The following TBCA variants were observed in gnomAD, a reference collection of about 807,000 sequenced individuals.
The protein encoded by TBCA is tubulin-specific chaperone A.
Under a neutral mutation model 15.8 loss-of-function variants are expected in TBCA, and 6 were observed. The ratio of observed to expected loss-of-function variants is 0.38; its 90% CI spans 0.21 to 0.75. The LOEUF (loss-of-function observed/expected upper bound fraction) is 0.75. Ranked by LOEUF, TBCA falls within the 30% of genes least tolerant of loss-of-function variation. The probability of loss-of-function intolerance (pLI) is 0.46; values close to 1 mark genes in which losing one functional copy is unlikely to be tolerated. For missense variants in TBCA, 90 were observed against 131.2 expected, an observed-to-expected ratio of 0.69 and a Z score of 1.53; for synonymous variants, 32 against 42.3, an observed-to-expected ratio of 0.76 and a Z score of 0.94.
chr5:77,762,358 G>A (rs1194363252), intron 1 of TBCA, among the ~76,000 whole-genome samples: 2 of 152,066 alleles, frequency 1.3e-5, no homozygotes, highest in Admixed American at 1.3e-4. Context: ...TTAATACGTA[G>A]AAAATGAAAA....
intron 1 of TBCA, among the ~76,000 whole-genome samples, chr5:77,766,921 T>C (rs1046966739): frequency 2.6e-5 from 4 of 152,230 alleles, no homozygotes; most frequent in Non-Finnish European, 5.9e-5. Flanking sequence ...TGTCTATTTG[T>C]TGAAAAACAA....
chr5:77,729,100 G>T (rs1746698883), intron 1 of TBCA, among the ~76,000 whole-genome samples: 1 of 152,072 alleles, frequency 6.6e-6, no homozygotes, highest in African/African-American at 2.4e-5. Context: ...GATCACCTGA[G>T]GTCCGGAGTT....
chr5:77,704,323 T>A (rs545379595), intron 2 of TBCA, among the ~76,000 whole-genome samples: 306 of 152,262 alleles, frequency 2.0e-3, no homozygotes, highest in Non-Finnish European at 3.6e-3. Flanking sequence ...AGAGGGACTG[T>A]CCCCTGATTT....
intron 1 of TBCA, among the ~76,000 whole-genome samples, chr5:77,756,130 A>G (rs254388): frequency 0.85 from 129,270 of 151,862 alleles, 55,557 homozygotes; most frequent in Non-Finnish European, 0.92. Flanking sequence ...ACCAGACCGC[A>G]GCCTAGGATT....
intron 1 of TBCA, among the ~76,000 whole-genome samples, chr5:77,714,711 C>T (rs168471): frequency 0.23 from 34,632 of 151,848 alleles, 4,660 homozygotes; most frequent in Non-Finnish European, 0.31. Context: ...GGACTACAGG[C>T]ACCTGCCACC....
chr5:77,760,973 T>G (rs1167313664), intron 1 of TBCA, among the ~76,000 whole-genome samples: 1 of 143,322 alleles, frequency 7.0e-6, no homozygotes, highest in African/African-American at 2.7e-5. Flanking sequence ...GTCTGGGAAG[T>G]GAGGAGCGCC....
intron 1 of TBCA, among the ~76,000 whole-genome samples, chr5:77,715,857 C>T (rs1386489888): frequency 6.6e-6 from 1 of 152,086 alleles, no homozygotes; most frequent in Non-Finnish European, 1.5e-5. Flanking sequence ...GTATTAAATC[C>T]CCCTGTTTGG....
At chr5:77,712,505 G>A (rs997952803) in intron 1 of TBCA, among the ~76,000 whole-genome samples, 1 of 152,018 alleles carries the variant, frequency 6.6e-6, no homozygotes, top group Non-Finnish European at 1.5e-5. Context: ...CTGAAGACAA[G>A]TATGTATTTT....
intron 1 of TBCA, among the ~76,000 whole-genome samples, chr5:77,728,854 T>G (rs1746691312): frequency 2.0e-5 from 3 of 152,052 alleles, no homozygotes; most frequent in Admixed American, 6.5e-5. Flanking sequence ...TTGAAAAGCC[T>G]TCCCTTCCTT....
chr5:77,737,254 A>T (rs908793693), intron 1 of TBCA, among the ~76,000 whole-genome samples: 1 of 152,112 alleles, frequency 6.6e-6, no homozygotes, highest in Non-Finnish European at 1.5e-5. Flanking sequence ...TTATGAACCA[A>T]AGCTTTTGTT....
chr5:77,767,060 A>G (rs1747796080), intron 1 of TBCA, among the ~76,000 whole-genome samples: 2 of 152,250 alleles, frequency 1.3e-5, no homozygotes. Context: ...TTAACATTCT[A>G]GATTTGGAAA....
chr5:77,696,068 A>AT (rs1745865192), intron 2 of TBCA, among the ~76,000 whole-genome samples: 1 of 152,198 alleles, frequency 6.6e-6, no homozygotes, highest in South Asian at 2.1e-4. Flanking sequence ...TTTTTGTCAG[A>AT]AAGAAGAGTT....
intron 1 of TBCA, among the ~76,000 whole-genome samples, chr5:77,763,830 C>T (rs1257039747): frequency 1.3e-5 from 2 of 152,162 alleles, no homozygotes; most frequent in East Asian, 1.9e-4. Flanking sequence ...AACTAAGATA[C>T]GCATCTTACA....
chr5:77,772,961 C>A, intron 1 of TBCA, among the ~76,000 whole-genome samples: 1 of 152,152 alleles, frequency 6.6e-6, no homozygotes, highest in East Asian at 1.9e-4. Context: ...GTAGAGATCA[C>A]TGGAATGAGA....
chr5:77,693,799 CAAAAAA>C (rs70991303), intron 2 of TBCA, among the ~76,000 whole-genome samples: 19 of 77,962 alleles, frequency 2.4e-4, no homozygotes, highest in Admixed American at 1.7e-3. Flanking sequence ...AACTCCATCT[CAAAAAA>C]AAAAAAAAAA....
chr5:77,714,575 A>AT (rs146736386), intron 1 of TBCA, among the ~76,000 whole-genome samples: 5 of 148,926 alleles, frequency 3.4e-5, no homozygotes, highest in Non-Finnish European at 5.9e-5. Flanking sequence ...TATTATTATT[A>AT]TTTTTTTTTG....
At chr5:77,698,067 C>CCATGATCA (rs1225037132) in intron 2 of TBCA, among the ~76,000 whole-genome samples, 13 of 151,852 alleles carry the variant, frequency 8.6e-5, no homozygotes, top group Middle Eastern at 3.4e-3. Flanking sequence ...CTGCAGTGAG[C>CCATGATCA]CATGATCACA....
intron 1 of TBCA, among the ~76,000 whole-genome samples, chr5:77,723,271 T>C (rs1746564034): frequency 6.6e-6 from 1 of 151,880 alleles, no homozygotes; most frequent in Non-Finnish European, 1.5e-5. Context: ...TATTACAATT[T>C]TTTTTTAAAA....
intron 1 of TBCA, among the ~76,000 whole-genome samples, chr5:77,721,174 T>C (rs555762271): frequency 6.6e-6 from 1 of 152,320 alleles, no homozygotes; most frequent in East Asian, 1.9e-4. Flanking sequence ...TTTAATGATA[T>C]TTCCTACAGC....
Sources: allele counts gnomAD v4.1 joint callset (sites outside exome capture counted in the v4.1 genomes callset), GRCh38; gene constraint gnomAD v4.1.1; transcripts MANE v1.5; gene names NCBI Gene and HGNC (gene_info 2026-07-23, HGNC 2026-07-21).